The following FUT9 variants were observed in gnomAD, a reference collection of about 807,000 sequenced individuals.
The protein encoded by FUT9 is fucosyltransferase 9.
In FUT9, 15 loss-of-function variants were observed where a neutral mutation model predicts 29.7. The ratio of observed to expected loss-of-function variants is 0.51; its 90% CI spans 0.34 to 0.78. FUT9 has a LOEUF of 0.78. Ranked by LOEUF, FUT9 falls within the 30% of genes least tolerant of loss-of-function variation. The probability of loss-of-function intolerance (pLI) is 0.01; values close to 1 mark genes in which losing one functional copy is unlikely to be tolerated. For synonymous variants in FUT9, 169 were observed against 153.7 expected, an observed-to-expected ratio of 1.10 and a Z score of -0.74; for missense variants, 319 against 425.4, an observed-to-expected ratio of 0.75 and a Z score of 2.20.
intron 1 of FUT9, among the ~76,000 whole-genome samples, chr6:96,031,405 A>G (rs1049039777): frequency 7.9e-5 from 12 of 151,384 alleles, no homozygotes; most frequent in Admixed American, 7.3e-4. Flanking sequence ...AAAAAAAACT[A>G]TAATTTAGAG....
At chr6:96,147,157 A>T (rs1210373756) in intron 2 of FUT9, among the ~76,000 whole-genome samples, 9 of 146,592 alleles carry the variant, frequency 6.1e-5, no homozygotes, top group Non-Finnish European at 7.5e-5. Flanking sequence ...TTTTTTTTTT[A>T]TTTTTCTTTT....
intron 2 of FUT9, among the ~76,000 whole-genome samples, chr6:96,152,812 A>C (rs1456451021): frequency 6.6e-6 from 1 of 152,200 alleles, no homozygotes; most frequent in Non-Finnish European, 1.5e-5. Flanking sequence ...GTAAATAGAT[A>C]ATTATTGCTT....
intron 2 of FUT9, among the ~76,000 whole-genome samples, chr6:96,180,767 G>A (rs1306771013): frequency 6.6e-6 from 1 of 151,904 alleles, no homozygotes; most frequent in Non-Finnish European, 1.5e-5. Context: ...TCCAAGCTCA[G>A]AATTTGTTCT....
intron 2 of FUT9, among the ~76,000 whole-genome samples, chr6:96,124,637 AT>A (rs1772098924): frequency 6.6e-6 from 1 of 151,736 alleles, no homozygotes; most frequent in Non-Finnish European, 1.5e-5. Flanking sequence ...CCAGTTCTAA[AT>A]TTTTTTCTGA....
At chr6:96,105,652 TCATG>T (rs1771665166) in intron 1 of FUT9, among the ~76,000 whole-genome samples, 1 of 152,218 alleles carries the variant, frequency 6.6e-6, no homozygotes, top group Non-Finnish European at 1.5e-5. Context: ...GAATTATTTT[TCATG>T]CAGTTAATTT....
At chr6:96,028,052 G>A (rs1376054545) in intron 1 of FUT9, among the ~76,000 whole-genome samples, 1 of 151,528 alleles carries the variant, frequency 6.6e-6, no homozygotes, top group Non-Finnish European at 1.5e-5. Context: ...TGTTTTTATG[G>A]GAAGAATGGA....
intron 1 of FUT9, among the ~76,000 whole-genome samples, chr6:96,076,893 T>C (rs1250070091): frequency 6.6e-6 from 1 of 152,210 alleles, no homozygotes; most frequent in Non-Finnish European, 1.5e-5. Context: ...GATAAACAAA[T>C]AGACTGTAAT....
Position 96,213,984 on chromosome 6 carries a change from A to C in FUT9, c.*9749A>C, listed in dbSNP as rs1201138064. 1 of 166,964 alleles carries C rather than the reference A, an allele frequency of 6.0e-6. No homozygotes were observed. Among genetic ancestry groups the C allele is most frequent in the Non-Finnish European group, 1.5e-5 (1 of 68,028 alleles). The allele number at this position is 166,964 out of a possible 1,614,324, so 10.3% of individuals were successfully genotyped here. A position where few individuals can be genotyped will look rare whatever the true frequency, so the allele number is the denominator to read the frequency against. On this transcript the variant is annotated 3_prime_UTR_variant, in exon 3 of 3. Transcript: ENST00000302103. The stretch of plus-strand genomic sequence containing the variant: ...ACAGGCTCTGTCTCAATCCGTATGC[A>C]TGATTCACGTCCTTTCAAAAGTCCC...
intron 2 of FUT9, among the ~76,000 whole-genome samples, chr6:96,143,664 C>A (rs992776043): frequency 1.3e-5 from 2 of 152,044 alleles, no homozygotes; most frequent in African/African-American, 4.8e-5. Flanking sequence ...GGCACAGGGT[C>A]ATTTGGAACT....
At chr6:96,162,806 G>A (rs1320893896) in intron 2 of FUT9, among the ~76,000 whole-genome samples, 4 of 152,172 alleles carry the variant, frequency 2.6e-5, no homozygotes, top group African/African-American at 9.7e-5. Flanking sequence ...ATTCACTGCT[G>A]TCATACTGGA....
intron 2 of FUT9, among the ~76,000 whole-genome samples, chr6:96,179,018 T>G (rs1773258566): frequency 2.0e-5 from 3 of 152,082 alleles, no homozygotes; most frequent in African/African-American, 7.2e-5. Context: ...TTCGAAAGAA[T>G]CTGGGTCTTA....
At chr6:96,187,209 A>T (rs987132630) in intron 2 of FUT9, among the ~76,000 whole-genome samples, 29 of 152,106 alleles carry the variant, frequency 1.9e-4, no homozygotes, top group Non-Finnish European at 3.7e-4. Context: ...TCATTAGCAG[A>T]TAGAGGACCA....
intron 1 of FUT9, among the ~76,000 whole-genome samples, chr6:96,053,970 A>G (rs7740119): frequency 0.58 from 87,719 of 151,954 alleles, 25,465 homozygotes; most frequent in South Asian, 0.63. Flanking sequence ...AATCAGGTAA[A>G]TCACACATAC....
chr6:96,165,328 G>A (rs552165220), intron 2 of FUT9, among the ~76,000 whole-genome samples: 1 of 151,984 alleles, frequency 6.6e-6, no homozygotes, highest in South Asian at 2.1e-4. Flanking sequence ...CTATTCGGGA[G>A]GCTGAGGCAG....
At position 96,129,388 on chromosome 6, in the gene FUT9, C is replaced by T. The variant is rs564872304; in HGVS notation, c.-9+15261C>T. ...CCTAAGCCCAGAAAGTTCGAGGCTT[C>T]GAGGCTGAAGTAAGTTGCAATTGTG... On this transcript the variant is annotated intron_variant, in intron 2 of 2. Coordinates refer to ENST00000302103, the MANE Select transcript of FUT9 (RefSeq NM_006581.4). 9.9e-5 allele frequency among the ~76,000 whole-genome samples: 15 copies of T among 151,262 alleles called. 1 individual carries two copies. Among genetic ancestry groups the T allele is most frequent in the Admixed American group, 5.9e-4 (9 of 15,194 alleles).
intron 1 of FUT9, among the ~76,000 whole-genome samples, chr6:96,040,478 A>T (rs1016683120): frequency 6.6e-6 from 1 of 152,196 alleles, no homozygotes; most frequent in East Asian, 1.9e-4. Flanking sequence ...GGGAATGAAG[A>T]AGTAGAAGGT....
At chr6:96,075,772 C>T (rs2127949016) in intron 1 of FUT9, among the ~76,000 whole-genome samples, 1 of 152,226 alleles carries the variant, frequency 6.6e-6, no homozygotes, top group South Asian at 2.1e-4. Context: ...TTTATGTCAA[C>T]TTAAGTTCAC....
At chr6:96,144,788 A>G (rs1044030538) in intron 2 of FUT9, among the ~76,000 whole-genome samples, 4 of 152,220 alleles carry the variant, frequency 2.6e-5, no homozygotes, top group Admixed American at 6.5e-5. Flanking sequence ...TCCATTTTAA[A>G]CTGAAAGGAA....
chr6:96,130,725 T>A (rs1383165464), intron 2 of FUT9, among the ~76,000 whole-genome samples: 1 of 152,204 alleles, frequency 6.6e-6, no homozygotes, highest in East Asian at 1.9e-4. Flanking sequence ...TTAATTGAAC[T>A]ACATACACAT....
Sources: gnomAD v4.1 joint callset for allele counts (sites outside exome capture counted in the v4.1 genomes callset) on GRCh38, gnomAD v4.1.1 for gene constraint, MANE v1.5 for transcripts, NCBI Gene and HGNC (gene_info 2026-07-23, HGNC 2026-07-21) for gene names.